NELL2: variants seen among roughly 807,000 people sequenced by gnomAD.
NELL2 encodes the protein protein kinase C-binding protein NELL2.
Under a neutral mutation model 109.6 loss-of-function variants are expected in NELL2, and 41 were observed. The ratio of observed to expected loss-of-function variants is 0.37; its 90% CI spans 0.29 to 0.49. NELL2 has a LOEUF of 0.49. Among genes scored for constraint, NELL2 ranks in the 20% least tolerant of loss-of-function variants. The pLI, the probability that NELL2 is intolerant of heterozygous loss-of-function variation, is 0.98. For missense variants in NELL2, 900 were observed against 1,008.3 expected (o/e 0.89, Z 1.45); for synonymous variants, 355 against 344.7 (o/e 1.03, Z -0.33).
chr12:44,763,666 G>A lies in NELL2; in HGVS notation c.994+11081C>T, dbSNP rs150974638. On this transcript the variant is annotated intron_variant, in intron 9 of 19. Transcript: ENST00000429094. The stretch of plus-strand genomic sequence containing the variant: ...TTAGCATCATGAGATATATTTGTGC[G>A]GGCTCACTAACTCCTTGTAAATCAC... Among the ~76,000 whole-genome samples, 199 of 152,184 alleles carry A rather than the reference G, an allele frequency of 1.3e-3. 1 individual carries two copies. Among genetic ancestry groups the A allele is most frequent in the African/African-American group, 4.0e-3 (168 of 41,524 alleles).
intron 2 of NELL2, among the ~76,000 whole-genome samples, chr12:44,828,032 G>A (rs1403553849): frequency 2.6e-5 from 4 of 152,144 alleles, no homozygotes. Context: ...GTATCTCATT[G>A]TAGTTTTGAT....
At chr12:44,707,562 G>T (rs1937954497) in intron 11 of NELL2, among the ~76,000 whole-genome samples, 1 of 152,060 alleles carries the variant, frequency 6.6e-6, no homozygotes, top group Non-Finnish European at 1.5e-5. Context: ...TCTATCACTT[G>T]TACATGAAAG....
At chr12:44,723,480 T>G (rs1022316840) in intron 9 of NELL2, among the ~76,000 whole-genome samples, 5 of 152,208 alleles carry the variant, frequency 3.3e-5, no homozygotes, top group Non-Finnish European at 5.9e-5. Context: ...ACAATAAATA[T>G]GTACTTTAAA....
intron 12 of NELL2, among the ~76,000 whole-genome samples, chr12:44,668,024 G>A (rs981883665): frequency 2.0e-5 from 3 of 152,012 alleles, no homozygotes; most frequent in Non-Finnish European, 2.9e-5. Context: ...GTTTTGAGAG[G>A]CCATCCCTCA....
At chr12:44,907,854 T>C (rs1468914291) in intron 1 of NELL2, among the ~76,000 whole-genome samples, 2 of 152,084 alleles carry the variant, frequency 1.3e-5, no homozygotes, top group African/African-American at 2.4e-5. Context: ...AAATAGGATA[T>C]AGTAAACAAG....
At chr12:44,562,303 A>G (rs1592123102) in intron 15 of NELL2, among the ~76,000 whole-genome samples, 2 of 152,386 alleles carry the variant, frequency 1.3e-5, no homozygotes, top group African/African-American at 4.8e-5. Context: ...AACAAAAGCC[A>G]AAATTGACAA....
intron 3 of NELL2, among the ~76,000 whole-genome samples, chr12:44,806,739 T>G (rs2136664753): frequency 6.6e-6 from 1 of 151,886 alleles, no homozygotes; most frequent in East Asian, 1.9e-4. Flanking sequence ...TAGTAATTTT[T>G]TGCATTTGCA....
chr12:44,626,447 T>C (rs1285957090), intron 13 of NELL2, among the ~76,000 whole-genome samples: 1 of 152,226 alleles, frequency 6.6e-6, no homozygotes, highest in Non-Finnish European at 1.5e-5. Context: ...TTAGACACGC[T>C]CTGTCTCAGA....
chr12:44,655,943 T>A (rs963583701), intron 13 of NELL2, among the ~76,000 whole-genome samples: 6 of 152,218 alleles, frequency 3.9e-5, no homozygotes, highest in African/African-American at 1.4e-4. Context: ...TTCCTGATAG[T>A]TTGCAATGCT....
chr12:44,637,313 C>T (rs1020839370), intron 13 of NELL2, among the ~76,000 whole-genome samples: 1 of 150,282 alleles, frequency 6.7e-6, no homozygotes. Flanking sequence ...TGCTCTTGAA[C>T]CCTTTTACAT....
intron 1 of NELL2, among the ~76,000 whole-genome samples, chr12:44,883,158 A>G (rs1302460486): frequency 3.3e-5 from 5 of 151,836 alleles, no homozygotes; most frequent in African/African-American, 9.7e-5. Flanking sequence ...CCACAAATTT[A>G]TGATTTTATA....
At chr12:44,801,361 A>T (rs1326080001) in intron 3 of NELL2, among the ~76,000 whole-genome samples, 1 of 152,166 alleles carries the variant, frequency 6.6e-6, no homozygotes, top group Non-Finnish European at 1.5e-5. Context: ...AAAAATGCCC[A>T]ACAGAGAAAA....
chr12:44,532,791 A>T, intron 15 of NELL2, 70 bp from the exon 16 acceptor site: 4 of 1,444,974 alleles, frequency 2.8e-6, no homozygotes, highest in Non-Finnish European at 3.7e-6. Context: ...TTCTGCTACA[A>T]GGCTACTAAA....
chr12:44,586,795 TTGGA>T (rs1944523781), intron 15 of NELL2, among the ~76,000 whole-genome samples: 1 of 152,084 alleles, frequency 6.6e-6, no homozygotes, highest in African/African-American at 2.4e-5. Context: ...TTGAAGGAGA[TTGGA>T]ATAGACTCTA....
chr12:44,771,909 C>A, intron 9 of NELL2, among the ~76,000 whole-genome samples: 1 of 152,224 alleles, frequency 6.6e-6, no homozygotes. Flanking sequence ...CAAAAAGTGA[C>A]TGGCCACATG....
intron 13 of NELL2, among the ~76,000 whole-genome samples, chr12:44,638,951 TA>T (rs1946745707): frequency 1.3e-5 from 2 of 152,200 alleles, no homozygotes; most frequent in African/African-American, 4.8e-5. Context: ...TTAATTTTAA[TA>T]GTATATTTTA....
At chr12:44,655,425 C>T (rs924113518) in intron 13 of NELL2, among the ~76,000 whole-genome samples, 2 of 152,206 alleles carry the variant, frequency 1.3e-5, no homozygotes, top group Admixed American at 1.3e-4. Flanking sequence ...GCACAGACTC[C>T]TTTCCAAGCT....
At chr12:44,798,841 C>T (rs1019135046) in intron 3 of NELL2, among the ~76,000 whole-genome samples, 4 of 148,266 alleles carry the variant, frequency 2.7e-5, no homozygotes, top group African/African-American at 1.0e-4. Context: ...CTGATTATAG[C>T]AAAGGCATTT....
chr12:44,844,178 C>G (rs918122774), intron 2 of NELL2, among the ~76,000 whole-genome samples: 1 of 152,264 alleles, frequency 6.6e-6, no homozygotes, highest in East Asian at 1.9e-4. Flanking sequence ...AGGGAGAAAC[C>G]TTTACAGCCT....
Sources: allele counts gnomAD v4.1 joint callset (sites outside exome capture counted in the v4.1 genomes callset), GRCh38; gene constraint gnomAD v4.1.1; transcripts MANE v1.5; gene names NCBI Gene and HGNC (gene_info 2026-07-23, HGNC 2026-07-21).